FRMPD2: variants seen among roughly 807,000 people sequenced by gnomAD.
The protein encoded by FRMPD2 is FERM and PDZ domain-containing protein 2.
Under a neutral mutation model 140.1 loss-of-function variants are expected in FRMPD2, and 96 were observed. That is an observed-to-expected ratio of 0.69 (90% CI 0.58 to 0.81). The LOEUF (loss-of-function observed/expected upper bound fraction) is 0.81. FRMPD2 is among the 40% of genes least tolerant of loss of function. The pLI is 0.00. For synonymous variants in FRMPD2, 449 were observed against 547.6 expected, an observed-to-expected ratio of 0.82 and a Z score of 2.52; for missense variants, 1,240 against 1,447.4, an observed-to-expected ratio of 0.86 and a Z score of 2.32.
At chr10:48,181,780 T>G (rs1838554350) in intron 20 of FRMPD2, among the ~76,000 whole-genome samples, 1 of 150,930 alleles carries the variant, frequency 6.6e-6, no homozygotes, top group Non-Finnish European at 1.5e-5. Flanking sequence ...GCTTAGAGAT[T>G]ATACGTACAG....
intron 4 of FRMPD2, among the ~76,000 whole-genome samples, chr10:48,243,870 G>T (rs2131952882): frequency 6.6e-6 from 1 of 152,290 alleles, no homozygotes; most frequent in Non-Finnish European, 1.5e-5. Context: ...CTCTCCAGCA[G>T]GTGTTCTTGT....
intron 8 of FRMPD2, 145 bp downstream of exon 8, chr10:48,237,846 G>C: frequency 9.8e-7 from 1 of 1,016,354 alleles, no homozygotes; most frequent in Non-Finnish European, 1.5e-6. Flanking sequence ...CAAATTTCAG[G>C]TTTATGTTAG....
chr10:48,254,586 A>G (rs945181652), intron 1 of FRMPD2, among the ~76,000 whole-genome samples: 2 of 152,358 alleles, frequency 1.3e-5, no homozygotes, highest in African/African-American at 2.4e-5. Context: ...TATTGTGAAC[A>G]CTATTTCAAA....
chr10:48,233,683 T>C (rs1439559869), intron 9 of FRMPD2, among the ~76,000 whole-genome samples: 1 of 152,132 alleles, frequency 6.6e-6, no homozygotes, highest in African/African-American at 2.4e-5. Context: ...TATACAAAGC[T>C]TTGACTTTCA....
intron 15 of FRMPD2, among the ~76,000 whole-genome samples, chr10:48,194,032 GCA>G (rs1246551290): frequency 1.3e-5 from 2 of 152,196 alleles, no homozygotes; most frequent in African/African-American, 4.8e-5. Flanking sequence ...TGCAGCTTTT[GCA>G]CAAATTGCAT....
intron 15 of FRMPD2, among the ~76,000 whole-genome samples, chr10:48,200,372 A>G (rs984733201): frequency 2.6e-5 from 4 of 152,114 alleles, no homozygotes; most frequent in Non-Finnish European, 5.9e-5. Flanking sequence ...TCAGAACTGC[A>G]CCGCATCAAC....
intron 1 of FRMPD2, among the ~76,000 whole-genome samples, chr10:48,266,859 C>T (rs910959403): frequency 6.6e-6 from 1 of 152,208 alleles, no homozygotes; most frequent in Non-Finnish European, 1.5e-5. Context: ...TACCACCATG[C>T]AGTGGTAACA....
chr10:48,262,767 T>C (rs1191987907), intron 1 of FRMPD2, among the ~76,000 whole-genome samples: 1 of 152,158 alleles, frequency 6.6e-6, no homozygotes, highest in Non-Finnish European at 1.5e-5. Flanking sequence ...TTTATTTATT[T>C]ATGTTTATTT....
Position 48,212,003 on chromosome 10 carries a change from CG to C in FRMPD2, c.1561del (p.Arg521GlyfsTer13). ...RVQVEVSEMHRLSSALWGEDA... is the reference protein window; with the variant it reads ...RVQVEVSEMHXLSSALWGEDA... ...CTCTCCCCACAGTGCAGAGCTGAGC[CG>C]GTGCATCTCTGAGACTTCAACCTGG... On this transcript the variant is annotated frameshift_variant, in exon 13 of 29. Coordinates refer to ENST00000374201, the MANE Select transcript of FRMPD2 (RefSeq NM_001018071.4). LOFTEE classifies it high-confidence loss of function. 1 of 1,614,070 alleles carries C rather than the reference CG, an allele frequency of 6.2e-7. No homozygotes were observed. Among genetic ancestry groups the C allele is most frequent in the East Asian group, 2.2e-5 (1 of 44,844 alleles).
At position 48,178,055 on chromosome 10, in the gene FRMPD2, T is replaced by A; in HGVS notation, c.2887A>T (p.Ser963Cys). 1 of 1,597,892 alleles carries A rather than the reference T, an allele frequency of 6.3e-7. No homozygotes were observed. Among genetic ancestry groups the A allele is most frequent in the African/African-American group, 1.3e-5 (1 of 74,652 alleles). ...CTCCTAAAAACTCTTACAGTTACAC[T>A]GAATCCAAGTGTCCCATCTTCTTTA... is the stretch of plus-strand genomic sequence containing the variant. Reference protein sequence around the residue: ...LVKEDGTLGFSVTGGINTSVP... With the variant: ...LVKEDGTLGFCVTGGINTSVP... Residue 963 changes from serine to cysteine, a missense_variant, in exon 22 of 29, where the codon AGT (serine) becomes TGT (cysteine). Coordinates refer to ENST00000374201, the MANE Select transcript of FRMPD2 (RefSeq NM_001018071.4).
intron 13 of FRMPD2, among the ~76,000 whole-genome samples, chr10:48,208,572 T>C (rs755980574): frequency 5.3e-5 from 8 of 152,222 alleles, no homozygotes; most frequent in Non-Finnish European, 1.0e-4. Context: ...GAGTCTTCAC[T>C]CTTAACAACT....
intron 20 of FRMPD2, among the ~76,000 whole-genome samples, 173 bp from the exon 21 acceptor site, chr10:48,181,181 G>A (rs1838535423): frequency 6.6e-6 from 1 of 152,108 alleles, no homozygotes; most frequent in Admixed American, 6.5e-5. Context: ...TAGAGAAAGG[G>A]AAGATTCTAC....
chr10:48,210,978 A>T (rs1839306100), intron 13 of FRMPD2, among the ~76,000 whole-genome samples: 1 of 152,222 alleles, frequency 6.6e-6, no homozygotes, highest in South Asian at 2.1e-4. Flanking sequence ...GTGTCCTCGC[A>T]CTTATCCCCC....
At chr10:48,240,876 C>A (rs1023836639) in intron 5 of FRMPD2, among the ~76,000 whole-genome samples, 3 of 152,262 alleles carry the variant, frequency 2.0e-5, no homozygotes, top group Non-Finnish European at 4.4e-5. Flanking sequence ...GGCTCTGTTG[C>A]ATCATGTTCC....
In FRMPD2 at chr10:48,200,644, T is replaced by C. The variant is rs149163245; in HGVS notation, c.1954+584A>G. Among the ~76,000 whole-genome samples, 312 of 152,340 alleles carry C rather than the reference T, an allele frequency of 2.0e-3. 3 individuals are homozygous for C. In the South Asian group the frequency reaches 0.021, roughly 10 times the overall value. ...TCCCACACTGAACAATGCAGGTATTTCCATCATTGAAGAAAGTGTCATTGG... is the reference window on the plus strand; with the variant it reads ...TCCCACACTGAACAATGCAGGTATTCCCATCATTGAAGAAAGTGTCATTGG... On this transcript the variant is annotated intron_variant, in intron 15 of 28. Coordinates refer to ENST00000374201, the MANE Select transcript of FRMPD2 (RefSeq NM_001018071.4).
At chr10:48,217,155 A>G (rs967632868) in intron 12 of FRMPD2, among the ~76,000 whole-genome samples, 1 of 152,188 alleles carries the variant, frequency 6.6e-6, no homozygotes, top group Non-Finnish European at 1.5e-5. Flanking sequence ...TGATGTTCTG[A>G]TGGATTACTG....
intron 4 of FRMPD2, 78 bp downstream of exon 4, chr10:48,244,706 G>T (rs547355823): frequency 2.8e-6 from 3 of 1,073,172 alleles, no homozygotes; most frequent in Non-Finnish European, 2.9e-6. Context: ...CAGTAAATGT[G>T]GTCCCTGCCC....
At position 48,265,888 on chromosome 10, in the gene FRMPD2, T is replaced by C. The variant is rs115725632; in HGVS notation, c.25+8655A>G. ...GGGTATATACCCAAAGAAATATAAA[T>C]CGTCGTATCATAAAGAAATACGCAT... On this transcript the variant is annotated intron_variant, in intron 1 of 28. Coordinates refer to ENST00000374201, the MANE Select transcript of FRMPD2 (RefSeq NM_001018071.4). Among the ~76,000 whole-genome samples the C allele has an allele frequency of 1.6e-3, 251 of 152,270 alleles. 1 individual carries two copies. The highest frequency in any genetic ancestry group is 5.2e-3 in the African/African-American group (216 of 41,556).
chr10:48,202,308 C>T lies in FRMPD2; in HGVS notation c.1798-924G>A, dbSNP rs116938735. Reference sequence around the variant, plus strand: ...CAGGGCTTATGCTTGAAAGGGCTTCCGGAAACCCCTGATCCTCTTTAAGGC... The same window carrying T: ...CAGGGCTTATGCTTGAAAGGGCTTCTGGAAACCCCTGATCCTCTTTAAGGC... On this transcript the variant is annotated intron_variant, in intron 14 of 28. Transcript: ENST00000374201. 1.2e-3 allele frequency among the ~76,000 whole-genome samples: 182 copies of T among 152,178 alleles called. 3 individuals are homozygous for T. The East Asian group carries it at 0.031, about 26-fold the overall frequency.
Sources: allele counts gnomAD v4.1 joint callset (sites outside exome capture counted in the v4.1 genomes callset), GRCh38; gene constraint gnomAD v4.1.1; transcripts MANE v1.5; gene names NCBI Gene and HGNC (gene_info 2026-07-23, HGNC 2026-07-21).